The following SRRM2 variants were observed in gnomAD, a reference collection of about 807,000 sequenced individuals.
The protein encoded by SRRM2 is serine/arginine repetitive matrix 2, also known as serine/arginine repetitive matrix protein 2.
In SRRM2, 30 loss-of-function variants were observed where a neutral mutation model predicts 213.8. The ratio of observed to expected loss-of-function variants is 0.14; its 90% CI spans 0.10 to 0.19. SRRM2 has a LOEUF of 0.19. Ranked by LOEUF, SRRM2 falls within the 10% of genes least tolerant of loss-of-function variation. The pLI is 1.00. For synonymous variants in SRRM2, 2,025 were observed against 1,377.7 expected, an observed-to-expected ratio of 1.47 and a Z score of -10.40; for missense variants, 4,904 against 3,647.0, an observed-to-expected ratio of 1.34 and a Z score of -8.88.
chr16:2,753,260 T>C lies in SRRM2; in HGVS notation c.-32+414T>C, dbSNP rs1439207515. ...CTGGACCCTTGCCCCCGGTTCCAGATCTCCTTTCCTCGGGCTTCTCTTCGG... is the reference window on the plus strand; with the variant it reads ...CTGGACCCTTGCCCCCGGTTCCAGACCTCCTTTCCTCGGGCTTCTCTTCGG... On this transcript the variant is annotated intron_variant, in intron 1 of 14. Coordinates refer to ENST00000301740, the MANE Select transcript of SRRM2 (RefSeq NM_016333.4). Among the ~76,000 whole-genome samples the C allele has an allele frequency of 2.0e-5, 3 of 152,196 alleles. No individual in the cohort carries two copies. The East Asian group carries it at 5.8e-4, about 29-fold the overall frequency.
chr16:2,770,392 T>A lies in SRRM2; in HGVS notation c.8062T>A (p.Ser2688Thr), dbSNP rs1432125405. 1.2e-6 allele frequency: 2 copies of A among 1,609,230 alleles called. No individual in the cohort carries two copies. Among genetic ancestry groups the A allele is most frequent in the South Asian group, 2.2e-5 (2 of 89,882 alleles). Residue 2688 changes from serine to threonine, a missense_variant, in exon 13 of 15, where the codon TCT becomes ACT. By Grantham distance (58) the Ser-to-Thr change is moderately conservative. Coordinates refer to ENST00000301740, the MANE Select transcript of SRRM2 (RefSeq NM_016333.4). ...GAAGCCAATAGACTCCCTCAGGGACTCTCGGTCCCTCAGCTACTCGCCTGT... is the reference window on the plus strand; with the variant it reads ...GAAGCCAATAGACTCCCTCAGGGACACTCGGTCCCTCAGCTACTCGCCTGT... ...PRKPIDSLRD[S>T]RSLSYSPVER...
chr16:2,765,398 C>G lies in SRRM2; in HGVS notation c.4870C>G (p.Pro1624Ala). 1.2e-6 allele frequency: 2 copies of G among 1,614,174 alleles called. No homozygotes were observed. Among genetic ancestry groups the G allele is most frequent in the Non-Finnish European group, 1.7e-6 (2 of 1,180,026 alleles). The change falls in exon 11 of 15, where the codon CCT becomes GCT. Residue 1624 changes from proline to alanine, a missense_variant. Pro to Ala is a conservative substitution (Grantham distance 27). Transcript: ENST00000301740. The stretch of plus-strand genomic sequence containing the variant: ...GAGTGGTTCTGATTCCTCTCCTGAA[C>G]CTAAAGCTCCAGCCCCTCGGGCCCT... ...AQSGSDSSPE[P>A]KAPAPRALPR...
rs1018578567 is a variant in SRRM2, at chr16:2,760,541, A to G, written c.1032+42A>G. The stretch of plus-strand genomic sequence containing the variant: ...GTGATGTTCATTGGATTGCAAATGT[A>G]TAGATTTAGGATAGACATGTGATGT... On this transcript the variant is annotated intron_variant, in intron 10 of 14. Transcript: ENST00000301740. The G allele has an allele frequency of 3.7e-6, 6 of 1,604,170 alleles. No individual in the cohort carries two copies. In the African/African-American group the frequency reaches 4.0e-5, roughly 11 times the overall value.
chr16:2,753,152 A>C (rs1420844929), intron 1 of SRRM2, among the ~76,000 whole-genome samples: 1 of 149,836 alleles, frequency 6.7e-6, no homozygotes, highest in Non-Finnish European at 1.5e-5. Context: ...TCCCCCCAAC[A>C]TGTGCCGCCG....
Position 2,764,103 on chromosome 16 carries a change from T to C in SRRM2, c.3575T>C (p.Val1192Ala), listed in dbSNP as rs770821593. 1.1e-5 allele frequency: 18 copies of C among 1,614,142 alleles called. No individual in the cohort carries two copies. The South Asian group carries it at 2.0e-4, about 18-fold the overall frequency. Residue 1192 changes from valine to alanine, a missense_variant, in exon 11 of 15, where the codon GTA becomes GCA. By Grantham distance (64) the Val-to-Ala change is moderately conservative (BLOSUM62 0). Coordinates refer to ENST00000301740, the MANE Select transcript of SRRM2 (RefSeq NM_016333.4). ...AAAGACAAATTTAGTCCCTTTCCAG[T>C]ACAGGATAGGCCTGAGTCTTCACTG... ...RQKDKFSPFP[V>A]QDRPESSLVF...
At position 2,765,242 on chromosome 16, in the gene SRRM2, C is replaced by T. The variant is rs745523522; in HGVS notation, c.4714C>T (p.Pro1572Ser). The change falls in exon 11 of 15, where the codon CCA becomes TCA. Residue 1572 changes from proline to serine, a missense_variant. Pro to Ser is a moderately conservative substitution (Grantham distance 74, BLOSUM62 -1). Transcript: ENST00000301740. Reference sequence around the variant, plus strand: ...AGATTCTAAAGCCAAGACAAGAACCCCACTTCGGCAGAGGAGTCGGTCTGG... The same window carrying T: ...AGATTCTAAAGCCAAGACAAGAACCTCACTTCGGCAGAGGAGTCGGTCTGG... ...SPDSKAKTRT[P>S]LRQRSRSGSS... 2 of 1,614,078 alleles carry T rather than the reference C, an allele frequency of 1.2e-6. No homozygotes were observed. The highest frequency in any genetic ancestry group is 1.6e-4 in the Middle Eastern group (1 of 6,062).
rs774173287 is a variant in SRRM2, at chr16:2,768,073, C to T, written c.7545C>T (p.Ala2515=). 5 of 1,614,112 alleles carry T rather than the reference C, an allele frequency of 3.1e-6. No individual in the cohort carries two copies. The East Asian group carries it at 8.9e-5, about 29-fold the overall frequency. Residue 2515 remains alanine, a synonymous_variant, in exon 11 of 15, where the codon GCC becomes GCT. Transcript: ENST00000301740. ...DVGEPPASTG[A]QQPSALAALQ... is the part of the protein sequence containing the mutation. ...GGGAGCCACCTGCCTCTACTGGGGC[C>T]CAGCAGCCTTCTGCATTAGCCGCCC... is the stretch of plus-strand genomic sequence containing the variant.
At chr16:2,760,547 T>G (rs1467709402) in intron 10 of SRRM2, 48 bp downstream of exon 10, 2 of 1,600,758 alleles carry the variant, frequency 1.2e-6, no homozygotes, top group Admixed American at 1.7e-5. Context: ...ATGTATAGAT[T>G]TAGGATAGAC....
In SRRM2 at chr16:2,766,858, C is replaced by T. The variant is rs370570321; in HGVS notation, c.6330C>T (p.Asn2110=). The change falls in exon 11 of 15, where the codon AAC becomes AAT. Residue 2110 remains asparagine (N), a synonymous_variant. Transcript: ENST00000301740. The surrounding 1 kb of genome is among the most constrained non-coding windows in gnomAD (Gnocchi z 7.0). ...SGSRTPPVAL[N]SSRMSCFSRP... is the part of the protein sequence containing the mutation. Reference sequence around the variant, plus strand: ...CACGGACACCTCCAGTAGCACTCAACAGTTCCAGAATGAGCTGCTTCAGTC... The same window carrying T: ...CACGGACACCTCCAGTAGCACTCAATAGTTCCAGAATGAGCTGCTTCAGTC... 5 of 1,614,200 alleles carry T rather than the reference C, an allele frequency of 3.1e-6. No homozygotes were observed. The highest frequency in any genetic ancestry group is 3.3e-5 in the Admixed American group (2 of 60,034).
In SRRM2 at chr16:2,767,655, C is replaced by G. The variant is rs748062814; in HGVS notation, c.7127C>G (p.Ser2376Cys). Residue 2376 changes from serine to cysteine, a missense_variant, in exon 11 of 15, where the codon TCT becomes TGT. By Grantham distance (112) the Ser-to-Cys change is moderately radical. Transcript: ENST00000301740. Reference sequence around the variant, plus strand: ...AGTGCTAGGATGGCTCCAGCATTGTCTGGTGCAAACCTCACCAGCCCCAGG... The same window carrying G: ...AGTGCTAGGATGGCTCCAGCATTGTGTGGTGCAAACCTCACCAGCCCCAGG... ...LTSARMAPAL[S>C]GANLTSPRVP... The G allele has an allele frequency of 6.2e-7, 1 of 1,614,152 alleles. No individual in the cohort carries two copies. The highest frequency in any genetic ancestry group is 8.5e-7 in the Non-Finnish European group (1 of 1,180,030).
chr16:2,760,303 C>T lies in SRRM2; in HGVS notation c.836C>T (p.Ser279Phe), dbSNP rs1312896788. 8 of 1,612,642 alleles carry T rather than the reference C, an allele frequency of 5.0e-6. No homozygotes were observed. The South Asian group carries it at 7.7e-5, about 16-fold the overall frequency. Residue 279 changes from serine (S) to phenylalanine (F), a missense_variant and splice_region_variant, in exon 10 of 15, where the codon TCT becomes TTT. Ser to Phe is a radical substitution (Grantham distance 155). Coordinates refer to ENST00000301740, the MANE Select transcript of SRRM2 (RefSeq NM_016333.4). ...ASSSDTSRSR[S>F]RSAAAKTHTT... Reference sequence around the variant, plus strand: ...ACGTCCTCAATTAACTCCTGCAGGTCTCGAAGTGCTGCAGCTAAAACTCAT... The same window carrying T: ...ACGTCCTCAATTAACTCCTGCAGGTTTCGAAGTGCTGCAGCTAAAACTCAT...
At chr16:2,754,596 TC>T (rs1488824525) in intron 1 of SRRM2, among the ~76,000 whole-genome samples, 1 of 152,164 alleles carries the variant, frequency 6.6e-6, no homozygotes, top group Non-Finnish European at 1.5e-5. Context: ...GGCCTGGTTT[TC>T]CTTTCTTAAG....
intron 1 of SRRM2, among the ~76,000 whole-genome samples, chr16:2,753,154 G>T (rs1304622595): frequency 6.6e-6 from 1 of 151,784 alleles, no homozygotes; most frequent in Non-Finnish European, 1.5e-5. Context: ...CCCCCAACAT[G>T]TGCCGCCGAG....
At position 2,767,450 on chromosome 16, in the gene SRRM2, G is replaced by T. The variant is rs145694005; in HGVS notation, c.6922G>T (p.Ala2308Ser). The T allele has an allele frequency of 1.6e-4, 252 of 1,614,080 alleles. No individual in the cohort carries two copies. The highest frequency in any genetic ancestry group is 1.5e-3 in the Middle Eastern group (9 of 6,084). ...AGARTPAALA[A>S]LSLTGSGTPP... ...GGCCAGAACCCCAGCTGCCTTGGCA[G>T]CTCTGAGTCTCACAGGCTCTGGCAC... The change falls in exon 11 of 15, where the codon GCT becomes TCT. Residue 2308 changes from alanine to serine, a missense_variant. By Grantham distance (99) the Ala-to-Ser change is moderately conservative. Transcript: ENST00000301740.
At position 2,764,050 on chromosome 16, in the gene SRRM2, G is replaced by C; in HGVS notation, c.3522G>C (p.Glu1174Asp). ...AGAAAATGGCCTTACCCCCTCAGGA[G>C]GATGCTACTGCATCACCTCCTAGAC... Reference protein sequence around the residue: ...SKEKMALPPQEDATASPPRQK... With the variant: ...SKEKMALPPQDDATASPPRQK... Residue 1174 changes from glutamate to aspartate, a missense_variant, in exon 11 of 15, where the codon GAG (glutamate) becomes GAC (aspartate). Physicochemically the swap from Glu to Asp is conservative, Grantham distance 45. Coordinates refer to ENST00000301740, the MANE Select transcript of SRRM2 (RefSeq NM_016333.4). The C allele has an allele frequency of 6.2e-7, 1 of 1,614,180 alleles. No individual in the cohort carries two copies. Among genetic ancestry groups the C allele is most frequent in the South Asian group, 1.1e-5 (1 of 91,088 alleles).
intron 10 of SRRM2, chr16:2,760,726 AT>A (rs1466451038): frequency 1.9e-6 from 1 of 537,876 alleles, no homozygotes; most frequent in Admixed American, 3.1e-5. Context: ...TAGGTTTTAT[AT>A]TGTGTCTTGT....
intron 12 of SRRM2, 49 bp downstream of exon 12, chr16:2,769,333 T>G: frequency 6.6e-7 from 1 of 1,521,612 alleles, no homozygotes; most frequent in Non-Finnish European, 8.8e-7. Flanking sequence ...GAGTGACTTG[T>G]CCAGAGAAGG....
chr16:2,762,953 A>G lies in SRRM2; in HGVS notation c.2425A>G (p.Arg809Gly), dbSNP rs1303091563. ...ATCCTCCCAACCTAAAGCTAAATCT[A>G]GAACGCCACCCAGACGCAGTCGCTC... ...SGSSQPKAKS[R>G]TPPRRSRSSS... is the part of the protein sequence containing the mutation. Residue 809 changes from arginine (R) to glycine (G), a missense_variant, in exon 11 of 15, where the codon AGA becomes GGA. Transcript: ENST00000301740. 7 of 1,610,182 alleles carry G rather than the reference A, an allele frequency of 4.3e-6. No individual in the cohort carries two copies. The Middle Eastern group carries it at 5.0e-4, about 114-fold the overall frequency.
chr16:2,762,546 C>T lies in SRRM2; in HGVS notation c.2018C>T (p.Thr673Ile), dbSNP rs542346270. The T allele has an allele frequency of 4.3e-6, 7 of 1,614,096 alleles. No individual in the cohort carries two copies. The highest frequency in any genetic ancestry group is 1.1e-5 in the South Asian group (1 of 91,076). The change falls in exon 11 of 15, where the codon ACC (threonine) becomes ATC (isoleucine). Residue 673 changes from threonine (T) to isoleucine (I), a missense_variant. Transcript: ENST00000301740. ...PARRGRSRSR[T>I]PARRSGRSRS... The stretch of plus-strand genomic sequence containing the variant: ...AGACGTGGCCGCTCACGCTCTAGAA[C>T]CCCAGCTAGACGCAGTGGTCGCTCA...
Sources: gnomAD v4.1 joint callset for allele counts (sites outside exome capture counted in the v4.1 genomes callset) on GRCh38, gnomAD v4.1.1 for gene constraint, Gnocchi (gnomAD v3.1) non-coding constraint, MANE v1.5 for transcripts, NCBI Gene and HGNC (gene_info 2026-07-23, HGNC 2026-07-21) for gene names.